Variants in SIDT1 observed in about 807,000 individuals in gnomAD.
SIDT1 encodes the protein SID1 transmembrane family member 1.
In SIDT1, 101 loss-of-function variants were observed where a neutral mutation model predicts 107.5. The ratio of observed to expected loss-of-function variants is 0.94; its 90% confidence interval spans 0.80 to 1.11. The LOEUF (loss-of-function observed/expected upper bound fraction) is 1.11, where lower values mean the gene tolerates loss of function less well. Ranked by LOEUF, SIDT1 falls within the 50% of genes least tolerant of loss-of-function variation. SIDT1 has a pLI of 0.00. For synonymous variants in SIDT1, 395 were observed against 398.2 expected (o/e 0.99, Z 0.10); for missense variants, 1,076 against 1,058.2 (o/e 1.02, Z -0.23).
intron 21 of SIDT1, among the ~76,000 whole-genome samples, chr3:113,620,111 A>G (rs1259713145): frequency 1.3e-5 from 2 of 152,146 alleles, no homozygotes; most frequent in African/African-American, 4.8e-5. Flanking sequence ...AACATCCAAC[A>G]TAGCTTTAAA....
chr3:113,548,407 C>A (rs1233778605), intron 1 of SIDT1, among the ~76,000 whole-genome samples: 1 of 152,072 alleles, frequency 6.6e-6, no homozygotes, highest in South Asian at 2.1e-4. Flanking sequence ...TTCTCTTGAA[C>A]CCCTGGCAAC....
chr3:113,611,948 G>C (rs913285411), intron 18 of SIDT1, 138 bp from the exon 19 acceptor site: 11 of 622,394 alleles, frequency 1.8e-5, no homozygotes, highest in African/African-American at 1.3e-4. Context: ...TAAGATCCAT[G>C]GGAGTTTCCA....
chr3:113,536,840 T>A (rs1451607653), intron 1 of SIDT1, among the ~76,000 whole-genome samples: 1 of 152,252 alleles, frequency 6.6e-6, no homozygotes, highest in African/African-American at 2.4e-5. Flanking sequence ...CATGATTCAT[T>A]TCATTTCTCT....
In SIDT1 at chr3:113,611,052, C is replaced by T. The variant is rs370370705; in HGVS notation, c.1765C>T (p.Leu589Phe). The T allele has an allele frequency of 1.9e-6, 3 of 1,614,146 alleles. No individual in the cohort carries two copies. In the South Asian group the frequency reaches 3.3e-5, roughly 18 times the overall value. Residue 589 changes from leucine (L) to phenylalanine (F), a missense_variant, in exon 18 of 25, where the codon CTC (leucine) becomes TTC (phenylalanine). Coordinates refer to ENST00000264852, the MANE Select transcript of SIDT1 (RefSeq NM_017699.3). ...GATCGCTGGCCTGTGCATGCTGAAG[C>T]TCTATCAGACCCGCCACCCAGACAT... ...YMIAGLCMLK[L>F]YQTRHPDINA...
intron 9 of SIDT1, among the ~76,000 whole-genome samples, chr3:113,587,189 A>C (rs1210376845): frequency 3.3e-5 from 5 of 152,120 alleles, no homozygotes; most frequent in Admixed American, 2.6e-4. Context: ...GTGTATATGT[A>C]TGTGTGTGTG....
chr3:113,578,562 T>C (rs1056737405), intron 4 of SIDT1, among the ~76,000 whole-genome samples: 7 of 150,966 alleles, frequency 4.6e-5, no homozygotes, highest in Middle Eastern at 3.3e-3. Flanking sequence ...AAATATGATA[T>C]ACTGATCAGG....
chr3:113,583,354 TCTC>T (rs1320953183), intron 6 of SIDT1, 52 bp from the exon 7 acceptor site: 1 of 1,372,888 alleles, frequency 7.3e-7, no homozygotes, highest in Non-Finnish European at 1.0e-6. Context: ...CCAGGGACTT[TCTC>T]CCTTCTACCT....
At chr3:113,558,770 CGAT>C (rs1941143150) in intron 1 of SIDT1, among the ~76,000 whole-genome samples, 1 of 152,298 alleles carries the variant, frequency 6.6e-6, no homozygotes, top group South Asian at 2.1e-4. Flanking sequence ...CTCCCAGTAT[CGAT>C]GACGCTGTGG....
In SIDT1 at chr3:113,585,257, G is replaced by C; in HGVS notation, c.988G>C (p.Val330Leu). The change falls in exon 9 of 25, where the codon GTT (valine) becomes CTT (leucine). Residue 330 changes from valine to leucine, a missense_variant. Coordinates refer to ENST00000264852, the MANE Select transcript of SIDT1 (RefSeq NM_017699.3). The part of the protein sequence containing the change: ...FYLGCLLVGF[V>L]HYLRFQRKSI... ...CTTGGGATGCCTTCTTGTTGGGTTT[G>C]TTCATTATCTGAGGTAGGTCAATCT... The C allele has an allele frequency of 1.2e-6, 2 of 1,611,380 alleles. No individual in the cohort carries two copies. Among genetic ancestry groups the C allele is most frequent in the Non-Finnish European group, 1.7e-6 (2 of 1,177,758 alleles).
At chr3:113,625,143 TGG>T (rs1172447512) in intron 23 of SIDT1, among the ~76,000 whole-genome samples, 2 of 77,322 alleles carry the variant, frequency 2.6e-5, no homozygotes, top group Non-Finnish European at 5.0e-5. Context: ...TTCTTTTTTT[TGG>T]GGGGGCGGGG....
chr3:113,615,391 C>T (rs1946031914), intron 19 of SIDT1, among the ~76,000 whole-genome samples: 1 of 152,144 alleles, frequency 6.6e-6, no homozygotes. Flanking sequence ...TGGGCAGACC[C>T]AGACTGGCAT....
intron 1 of SIDT1, among the ~76,000 whole-genome samples, chr3:113,550,769 T>C (rs1940138731): frequency 6.6e-6 from 1 of 152,220 alleles, no homozygotes; most frequent in African/African-American, 2.4e-5. Context: ...TAAACTTTTA[T>C]TTTAAGTTCA....
intron 3 of SIDT1, among the ~76,000 whole-genome samples, chr3:113,573,519 G>A (rs2107446567): frequency 6.6e-6 from 1 of 152,328 alleles, no homozygotes; most frequent in East Asian, 1.9e-4. Flanking sequence ...ATCCCTGGGG[G>A]TTAAGTCACT....
rs377126190 is a variant in SIDT1, at chr3:113,626,106, C to A, written c.2312C>A (p.Thr771Asn). The change falls in exon 24 of 25, where the codon ACT (threonine) becomes AAT (asparagine). Residue 771 changes from threonine to asparagine, a missense_variant. By Grantham distance (65) the Thr-to-Asn change is moderately conservative (BLOSUM62 0). Transcript: ENST00000264852. ...TCCTGCCTCACCTTCCTCCAGGGAACTCCGGCCGAATCCCGGGAGAAGAAC... is the reference window on the plus strand; with the variant it reads ...TCCTGCCTCACCTTCCTCCAGGGAAATCCGGCCGAATCCCGGGAGAAGAAC... ...FFQNLSSWEG[T>N]PAESREKNRE... 1 of 1,613,038 alleles carries A rather than the reference C, an allele frequency of 6.2e-7. No homozygotes were observed. The highest frequency in any genetic ancestry group is 2.2e-5 in the East Asian group (1 of 44,876).
chr3:113,534,688 C>G (rs185924005), intron 1 of SIDT1, among the ~76,000 whole-genome samples: 1 of 152,330 alleles, frequency 6.6e-6, no homozygotes, highest in East Asian at 1.9e-4. Flanking sequence ...AGTCTGAAAA[C>G]TCCATGATCT....
rs190413509 is a variant in SIDT1, at chr3:113,569,343, T to C, written c.515+1633T>C. Among the ~76,000 whole-genome samples, 429 of 152,268 alleles carry C rather than the reference T, an allele frequency of 2.8e-3. 3 individuals carry two copies. The highest frequency in any genetic ancestry group is 1.0e-2 in the African/African-American group (414 of 41,554). Reference sequence around the variant, plus strand: ...CTTATAACTGCACACTTTTCTATAATACATGTTTGTTATATTTCAATTAAA... The same window carrying C: ...CTTATAACTGCACACTTTTCTATAACACATGTTTGTTATATTTCAATTAAA... On this transcript the variant is annotated intron_variant, in intron 3 of 24. Transcript: ENST00000264852.
intron 1 of SIDT1, among the ~76,000 whole-genome samples, chr3:113,553,915 T>C (rs991270972): frequency 3.3e-5 from 5 of 152,122 alleles, no homozygotes; most frequent in African/African-American, 1.2e-4. Context: ...GGCGTAGTGG[T>C]GCATGCCTGT....
At chr3:113,559,074 T>G (rs1941173304) in intron 1 of SIDT1, among the ~76,000 whole-genome samples, 1 of 152,262 alleles carries the variant, frequency 6.6e-6, no homozygotes, top group Non-Finnish European at 1.5e-5. Context: ...TATCTCTTCA[T>G]ACTTCTATTA....
chr3:113,572,628 A>T (rs1942558579), intron 3 of SIDT1, among the ~76,000 whole-genome samples: 1 of 152,242 alleles, frequency 6.6e-6, no homozygotes, highest in African/African-American at 2.4e-5. Flanking sequence ...ATCTGAATGG[A>T]GAAGAAAGAA....
Sources: allele counts gnomAD v4.1 joint callset (sites outside exome capture counted in the v4.1 genomes callset), GRCh38; gene constraint gnomAD v4.1.1; transcripts MANE v1.5; gene names NCBI Gene and HGNC (gene_info 2026-07-23, HGNC 2026-07-21).